The following SLC24A2 variants were observed in gnomAD, a reference collection of about 807,000 sequenced individuals.
The protein encoded by SLC24A2 is sodium/potassium/calcium exchanger 2.
SLC24A2 carries 36 observed loss-of-function variants against 62.0 expected under a neutral mutation model. The ratio of observed to expected loss-of-function variants is 0.58; its 90% CI spans 0.44 to 0.77. SLC24A2 has a LOEUF of 0.77. SLC24A2 is among the 30% of genes least tolerant of loss of function. SLC24A2 has a pLI of 0.00. For missense variants in SLC24A2, 846 were observed against 817.9 expected, an observed-to-expected ratio of 1.03 and a Z score of -0.42; for synonymous variants, 358 against 294.0, an observed-to-expected ratio of 1.22 and a Z score of -2.23.
At chr9:19,914,185 T>G in the SLC24A2 span, among the ~76,000 whole-genome samples, 1 of 152,054 alleles carries the variant, frequency 6.6e-6, no homozygotes, top group South Asian at 2.1e-4. Context: ...TTGTCCAGGG[T>G]TAGATTCTTG....
At chr9:19,846,581 A>G in the SLC24A2 span, among the ~76,000 whole-genome samples, 2 of 152,168 alleles carry the variant, frequency 1.3e-5, no homozygotes, top group South Asian at 2.1e-4. Flanking sequence ...TGTTTAGACC[A>G]TTTACATTCA....
intron 5 of SLC24A2, among the ~76,000 whole-genome samples, chr9:19,585,461 A>G (rs1376391373): frequency 6.6e-6 from 1 of 152,192 alleles, no homozygotes; most frequent in African/African-American, 2.4e-5. Flanking sequence ...AGCACTTGGA[A>G]GTAATCAGTT....
the SLC24A2 span, among the ~76,000 whole-genome samples, chr9:20,268,698 C>G: frequency 6.6e-6 from 1 of 152,160 alleles, no homozygotes; most frequent in African/African-American, 2.4e-5. Context: ...TTATAAGCAA[C>G]AGAAAACAGA....
intron 4 of SLC24A2, among the ~76,000 whole-genome samples, chr9:19,602,445 G>A (rs1836867143): frequency 6.6e-6 from 1 of 152,126 alleles, no homozygotes; most frequent in Non-Finnish European, 1.5e-5. Context: ...CAAAAATAAT[G>A]ACCAATGATG....
At chr9:20,277,083 G>A in the SLC24A2 span, among the ~76,000 whole-genome samples, 20,548 of 152,104 alleles carry the variant, frequency 0.14, 1,601 homozygotes, top group African/African-American at 0.2. Flanking sequence ...GCAAATTTCT[G>A]CCGCCAGCTT....
chr9:19,944,491 T>A, the SLC24A2 span, among the ~76,000 whole-genome samples: 3 of 151,516 alleles, frequency 2.0e-5, no homozygotes, highest in Non-Finnish European at 2.9e-5. Context: ...AGAAATGAAT[T>A]TGACTTATCA....
At chr9:20,136,091 A>G in the SLC24A2 span, among the ~76,000 whole-genome samples, 1 of 152,144 alleles carries the variant, frequency 6.6e-6, no homozygotes, top group African/African-American at 2.4e-5. Flanking sequence ...ATCTATTATT[A>G]TAGAACAAGT....
intron 8 of SLC24A2, among the ~76,000 whole-genome samples, chr9:19,547,261 C>T (rs759879357): frequency 1.3e-5 from 2 of 152,134 alleles, no homozygotes; most frequent in African/African-American, 2.4e-5. Context: ...CCAGTCCATT[C>T]CAGGGCTAGC....
the SLC24A2 span, among the ~76,000 whole-genome samples, chr9:20,049,612 T>C: frequency 3.3e-5 from 3 of 89,580 alleles, no homozygotes; most frequent in Admixed American, 1.3e-4. Flanking sequence ...AAAGAAAACA[T>C]TTAATCCAGG....
the SLC24A2 span, among the ~76,000 whole-genome samples, chr9:20,206,888 G>GT: frequency 6.6e-5 from 10 of 150,382 alleles, no homozygotes; most frequent in Admixed American, 6.6e-4. Flanking sequence ...AGTTGGGGGG[G>GT]GCGGTTACGG....
At chr9:20,150,146 C>T in the SLC24A2 span, among the ~76,000 whole-genome samples, 1 of 151,978 alleles carries the variant, frequency 6.6e-6, no homozygotes, top group Non-Finnish European at 1.5e-5. Flanking sequence ...AACTGACCTG[C>T]AGGTCATATA....
chr9:19,576,844 G>T, intron 6 of SLC24A2, 80 bp downstream of exon 6: 2 of 1,001,848 alleles, frequency 2.0e-6, no homozygotes, highest in Non-Finnish European at 3.2e-6. Flanking sequence ...CTGAGTCAGG[G>T]GTGCCCACAC....
the SLC24A2 span, among the ~76,000 whole-genome samples, chr9:20,213,314 T>C: frequency 1.4e-4 from 22 of 151,936 alleles, no homozygotes; most frequent in Non-Finnish European, 2.2e-4. Flanking sequence ...TCACAACCTA[T>C]AGGATGAAGT....
chr9:20,001,147 TC>T, the SLC24A2 span, among the ~76,000 whole-genome samples: 1 of 152,182 alleles, frequency 6.6e-6, no homozygotes, highest in Non-Finnish European at 1.5e-5. Flanking sequence ...GATCAGCACT[TC>T]GTTTCTGATG....
rs144847360 is a variant in SLC24A2 at position 19,753,004 on chromosome 9, C to T, written c.930+32933G>A. On this transcript the variant is annotated intron_variant, in intron 2 of 10. Coordinates refer to ENST00000341998, the MANE Select transcript of SLC24A2 (RefSeq NM_020344.4). ...GCAGATGCAAGAAAAATGCAAGGGC[C>T]AGAATCTCTAAGGATTTCAAAGGAG... 1.8e-3 allele frequency among the ~76,000 whole-genome samples: 278 copies of T among 152,282 alleles called. 3 individuals are homozygous for T. Among genetic ancestry groups the T allele is most frequent in the African/African-American group, 6.4e-3 (267 of 41,558 alleles).
At chr9:20,276,622 G>T in the SLC24A2 span, among the ~76,000 whole-genome samples, 1 of 152,220 alleles carries the variant, frequency 6.6e-6, no homozygotes, top group Non-Finnish European at 1.5e-5. Flanking sequence ...TGGGGATTCT[G>T]TGTAGGGGCT....
chr9:20,081,506 C>T, the SLC24A2 span, among the ~76,000 whole-genome samples: 2 of 150,326 alleles, frequency 1.3e-5, no homozygotes, highest in African/African-American at 4.9e-5. Flanking sequence ...GGAGGGACAA[C>T]ATTAGGAGAT....
At chr9:20,192,758 A>AT in the SLC24A2 span, among the ~76,000 whole-genome samples, 1 of 152,116 alleles carries the variant, frequency 6.6e-6, no homozygotes, top group Admixed American at 6.5e-5. Flanking sequence ...GGGCATCAGT[A>AT]TTTTTTTGAA....
chr9:20,132,090 C>T, the SLC24A2 span, among the ~76,000 whole-genome samples: 6 of 152,124 alleles, frequency 3.9e-5, no homozygotes, highest in African/African-American at 1.4e-4. Flanking sequence ...ACTGAATTAG[C>T]GTCCTCATGA....
Sources: gnomAD v4.1 joint callset for allele counts (sites outside exome capture counted in the v4.1 genomes callset) on GRCh38, gnomAD v4.1.1 for gene constraint, MANE v1.5 for transcripts, NCBI Gene and HGNC (gene_info 2026-07-23, HGNC 2026-07-21) for gene names.